The following KCNB2 variants were observed in gnomAD, a reference collection of about 807,000 sequenced individuals.
KCNB2 encodes the protein potassium voltage-gated channel subfamily B member 2, also known as delayed rectifier potassium channel protein.
In KCNB2, 15 loss-of-function variants were observed where a neutral mutation model predicts 61.5. That is an observed-to-expected ratio of 0.24 (90% confidence interval 0.16 to 0.38). KCNB2 has a LOEUF of 0.38. KCNB2 is among the 10% of genes least tolerant of loss of function. KCNB2 has a pLI of 1.00. For synonymous variants in KCNB2, 457 were observed against 446.0 expected (o/e 1.02, Z -0.31); for missense variants, 828 against 1,125.2 (o/e 0.74, Z 3.78).
intron 1 of KCNB2, among the ~76,000 whole-genome samples, chr8:72,561,762 G>GATACATATATATATATATAC (rs1806532190): frequency 6.8e-5 from 1 of 14,766 alleles, no homozygotes; most frequent in African/African-American, 2.5e-4. Context: ...TATATATATG[G>GATACATATATATATATATAC]ATATATATAT....
chr8:72,554,360 C>A (rs1806388792), intron 1 of KCNB2, among the ~76,000 whole-genome samples: 1 of 151,950 alleles, frequency 6.6e-6, no homozygotes, highest in African/African-American at 2.4e-5. Flanking sequence ...ATTTTATGGT[C>A]TTTTTCCATT....
chr8:72,708,572 GC>G (rs2128991626), intron 2 of KCNB2, among the ~76,000 whole-genome samples: 1 of 152,264 alleles, frequency 6.6e-6, no homozygotes, highest in South Asian at 2.1e-4. Flanking sequence ...CTCCCTGCAA[GC>G]TTTTCTGTAC....
At chr8:72,698,711 A>G (rs1040772538) in intron 2 of KCNB2, among the ~76,000 whole-genome samples, 3 of 152,180 alleles carry the variant, frequency 2.0e-5, no homozygotes, top group Non-Finnish European at 4.4e-5. Context: ...ATAAAGCTGC[A>G]CACCTACAGC....
At chr8:72,576,925 A>G (rs1263419773) in intron 2 of KCNB2, among the ~76,000 whole-genome samples, 1 of 152,216 alleles carries the variant, frequency 6.6e-6, no homozygotes, top group Non-Finnish European at 1.5e-5. Flanking sequence ...CAGGAAATAG[A>G]AAAATGGAAG....
At chr8:72,544,891 C>A in intron 1 of KCNB2, among the ~76,000 whole-genome samples, 1 of 152,014 alleles carries the variant, frequency 6.6e-6, no homozygotes, top group East Asian at 1.9e-4. Flanking sequence ...GAAGGCACAC[C>A]CAAGTAGTGA....
intron 2 of KCNB2, among the ~76,000 whole-genome samples, chr8:72,808,925 G>C (rs1809264924): frequency 6.6e-6 from 1 of 152,006 alleles, no homozygotes; most frequent in Admixed American, 6.6e-5. Context: ...CCCTTTAATT[G>C]TTCACACAAT....
At chr8:72,903,394 C>T (rs963843224) in intron 2 of KCNB2, among the ~76,000 whole-genome samples, 1 of 152,140 alleles carries the variant, frequency 6.6e-6, no homozygotes, top group African/African-American at 2.4e-5. Context: ...TGTGCTCCAA[C>T]TCTTGTCTGT....
In KCNB2 at chr8:72,771,732, G is replaced by A. The variant is rs151023329; in HGVS notation, c.580-164203G>A. Reference sequence around the variant, plus strand: ...GAGGGTGTCAGAAGATTTGGTATGAGGGAAGTCTTGCCAGGGTCAAAAGCC... The same window carrying A: ...GAGGGTGTCAGAAGATTTGGTATGAAGGAAGTCTTGCCAGGGTCAAAAGCC... On this transcript the variant is annotated intron_variant, in intron 2 of 2. Transcript: ENST00000523207. Among the ~76,000 whole-genome samples the A allele has an allele frequency of 1.2e-3, 179 of 152,096 alleles. 1 individual carries two copies. Among genetic ancestry groups the A allele is most frequent in the African/African-American group, 4.1e-3 (169 of 41,512 alleles).
At chr8:72,736,154 A>C (rs1238867897) in intron 2 of KCNB2, among the ~76,000 whole-genome samples, 5 of 113,290 alleles carry the variant, frequency 4.4e-5, no homozygotes, top group African/African-American at 7.7e-5. Context: ...TTATTGTATA[A>C]TTACACAACT....
intron 2 of KCNB2, among the ~76,000 whole-genome samples, chr8:72,871,597 T>C (rs1168662410): frequency 6.6e-6 from 1 of 152,234 alleles, no homozygotes; most frequent in Non-Finnish European, 1.5e-5. Context: ...CAGCAGGTAC[T>C]TACAAATTGA....
chr8:72,567,793 T>C lies in KCNB2; in HGVS notation c.59T>C (p.Leu20Pro), dbSNP rs752870362. The change falls in exon 2 of 3, where the codon CTT becomes CCT. Residue 20 changes from leucine to proline, a missense_variant. Transcript: ENST00000523207. ...NRKTSRSTLS[L>P]PPEPVDIIRS... ...AAGACTTCAAGGTCGACACTTTCCC[T>C]TCCTCCAGAGCCTGTGGACATTATC... The C allele has an allele frequency of 3.1e-6, 5 of 1,610,286 alleles. No homozygotes were observed. Among genetic ancestry groups the C allele is most frequent in the Non-Finnish European group, 4.2e-6 (5 of 1,178,754 alleles).
intron 2 of KCNB2, among the ~76,000 whole-genome samples, chr8:72,673,578 A>C (rs1264803643): frequency 6.6e-6 from 1 of 152,232 alleles, no homozygotes; most frequent in Admixed American, 6.5e-5. Context: ...AGACTAATAC[A>C]TGTGTTATAG....
intron 2 of KCNB2, among the ~76,000 whole-genome samples, chr8:72,607,701 A>G (rs796170597): frequency 3.9e-5 from 6 of 152,242 alleles, no homozygotes; most frequent in African/African-American, 1.4e-4. Flanking sequence ...AGTCTCTAAA[A>G]TTTTATCATT....
intron 2 of KCNB2, among the ~76,000 whole-genome samples, chr8:72,883,971 A>G (rs575502257): frequency 3.3e-5 from 5 of 152,294 alleles, no homozygotes; most frequent in African/African-American, 1.2e-4. Flanking sequence ...CAATTGCAGC[A>G]CTTTTTTACC....
intron 2 of KCNB2, among the ~76,000 whole-genome samples, chr8:72,666,448 T>C (rs1806474021): frequency 1.3e-5 from 2 of 152,196 alleles, no homozygotes; most frequent in Non-Finnish European, 2.9e-5. Context: ...TGTAACACTT[T>C]GAAAAGCACT....
At chr8:72,867,918 T>C (rs1805556360) in intron 2 of KCNB2, among the ~76,000 whole-genome samples, 1 of 152,136 alleles carries the variant, frequency 6.6e-6, no homozygotes, top group African/African-American at 2.4e-5. Flanking sequence ...TCTTTCTGCG[T>C]TTTACCTCAT....
Position 72,604,685 on chromosome 8 carries a change from G to T in KCNB2, c.579+36372G>T, listed in dbSNP as rs537896570. Among the ~76,000 whole-genome samples, 13 of 152,182 alleles carry T rather than the reference G, an allele frequency of 8.5e-5. No individual in the cohort carries two copies. The South Asian group carries it at 2.7e-3, about 32-fold the overall frequency. Reference sequence around the variant, plus strand: ...AATTGGATCATAAATTAATTGTTTTGTACCCATTTAAATTAACATTTTTGG... The same window carrying T: ...AATTGGATCATAAATTAATTGTTTTTTACCCATTTAAATTAACATTTTTGG... On this transcript the variant is annotated intron_variant, in intron 2 of 2. Coordinates refer to ENST00000523207, the MANE Select transcript of KCNB2 (RefSeq NM_004770.3).
chr8:72,643,344 G>T (rs1019068949), intron 2 of KCNB2, among the ~76,000 whole-genome samples: 6 of 152,142 alleles, frequency 3.9e-5, no homozygotes, highest in African/African-American at 1.4e-4. Context: ...GTAATTTAAG[G>T]TGTGAAACTA....
At position 72,937,885 on chromosome 8, in the gene KCNB2, C is replaced by T. The variant is rs1476787455; in HGVS notation, c.2530C>T (p.Pro844Ser). Residue 844 changes from proline to serine, a missense_variant, in exon 3 of 3, where the codon CCT (proline) becomes TCT (serine). This residue lies in a region of KCNB2 where 559 missense variants were observed against 588.4 expected (regional missense o/e 0.95). Transcript: ENST00000523207. ...FADKPSDGRD[P>S]LREEGSVGSS... Reference sequence around the variant, plus strand: ...AGATAAGCCTAGTGATGGGAGAGACCCTTTAAGAGAAGAGGGCAGTGTGGG... The same window carrying T: ...AGATAAGCCTAGTGATGGGAGAGACTCTTTAAGAGAAGAGGGCAGTGTGGG... 6.2e-7 allele frequency: 1 copy of T among 1,613,962 alleles called. No homozygotes were observed. Among genetic ancestry groups the T allele is most frequent in the East Asian group, 2.2e-5 (1 of 44,852 alleles).
Sources: allele counts gnomAD v4.1 joint callset (sites outside exome capture counted in the v4.1 genomes callset), GRCh38; gene constraint gnomAD v4.1.1; regional missense constraint gnomAD v4.1.1; transcripts MANE v1.5; gene names NCBI Gene and HGNC (gene_info 2026-07-23, HGNC 2026-07-21).